MICU1: variants seen among roughly 807,000 people sequenced by gnomAD.
MICU1 encodes the protein calcium uptake protein 1, mitochondrial.
MICU1 carries 45 observed loss-of-function variants against 56.8 expected under a neutral mutation model. That is an observed-to-expected ratio of 0.79 (90% CI 0.62 to 1.02). The LOEUF (loss-of-function observed/expected upper bound fraction) is 1.02, where lower values mean the gene tolerates loss of function less well. Ranked by LOEUF, MICU1 falls within the 50% of genes least tolerant of loss-of-function variation. The pLI, the probability that MICU1 is intolerant of heterozygous loss-of-function variation, is 0.00. For missense variants in MICU1, 504 were observed against 587.1 expected, an observed-to-expected ratio of 0.86 and a Z score of 1.46; for synonymous variants, 186 against 195.1, an observed-to-expected ratio of 0.95 and a Z score of 0.39.
At chr10:72,384,333 A>G (rs1279187950) in intron 10 of MICU1, among the ~76,000 whole-genome samples, 2 of 152,186 alleles carry the variant, frequency 1.3e-5, no homozygotes, top group African/African-American at 2.4e-5. Context: ...TTCTCAAGGT[A>G]GTAAACCTTG....
chr10:72,528,116 G>A (rs999577779), intron 5 of MICU1, among the ~76,000 whole-genome samples: 1 of 152,114 alleles, frequency 6.6e-6, no homozygotes, highest in African/African-American at 2.4e-5. Flanking sequence ...CTGAGCCTCT[G>A]GGCCTAGCCC....
chr10:72,381,621 C>T (rs774859335), intron 10 of MICU1, among the ~76,000 whole-genome samples: 2 of 152,076 alleles, frequency 1.3e-5, no homozygotes, highest in Admixed American at 1.3e-4. Context: ...CCGCTGACCC[C>T]CTGTGTACTC....
chr10:72,374,244 C>T (rs1862441458), intron 11 of MICU1, among the ~76,000 whole-genome samples: 1 of 152,262 alleles, frequency 6.6e-6, no homozygotes, highest in Non-Finnish European at 1.5e-5. Context: ...CTTCAGCCTC[C>T]TGAGTAGCTG....
chr10:72,578,276 G>A (rs894331850), intron 1 of MICU1, among the ~76,000 whole-genome samples: 4 of 151,210 alleles, frequency 2.6e-5, no homozygotes, highest in Admixed American at 2.6e-4. Context: ...TTTTTTTTTT[G>A]AGATGGAGTC....
chr10:72,465,390 T>C (rs1865762811), intron 8 of MICU1, among the ~76,000 whole-genome samples: 1 of 150,540 alleles, frequency 6.6e-6, no homozygotes, highest in East Asian at 1.9e-4. Flanking sequence ...GAAACAAGTA[T>C]GGCTGTCATT....
chr10:72,580,631 C>T (rs552852882), intron 1 of MICU1, among the ~76,000 whole-genome samples: 1 of 152,282 alleles, frequency 6.6e-6, no homozygotes, highest in Admixed American at 6.5e-5. Flanking sequence ...CATGCGCCAC[C>T]ACACCTGGCT....
chr10:72,545,769 G>A (rs1351531227), intron 4 of MICU1, among the ~76,000 whole-genome samples: 1 of 152,226 alleles, frequency 6.6e-6, no homozygotes, highest in Non-Finnish European at 1.5e-5. Context: ...TCTACAGAAT[G>A]TAAATTTCCC....
intron 5 of MICU1, chr10:72,532,688 T>C (rs1839521344): frequency 4.3e-6 from 1 of 232,532 alleles, no homozygotes. Flanking sequence ...GCACTCTTCC[T>C]TTTTGATCAT....
At chr10:72,566,090 C>A (rs911617846) in intron 2 of MICU1, among the ~76,000 whole-genome samples, 5 of 123,880 alleles carry the variant, frequency 4.0e-5, no homozygotes, top group Non-Finnish European at 7.9e-5. Flanking sequence ...GTCACCCAGG[C>A]TGGAGTACAA....
intron 10 of MICU1, among the ~76,000 whole-genome samples, chr10:72,404,143 C>A (rs1564848386): frequency 6.6e-6 from 1 of 152,006 alleles, no homozygotes; most frequent in Non-Finnish European, 1.5e-5. Flanking sequence ...GTGCGTGCCA[C>A]CATGCCTGAC....
intron 1 of MICU1, among the ~76,000 whole-genome samples, chr10:72,593,850 C>T (rs1454707734): frequency 6.6e-6 from 1 of 152,038 alleles, no homozygotes; most frequent in African/African-American, 2.4e-5. Context: ...AACTACAAAA[C>T]ACTGTTGAAA....
chr10:72,407,756 G>T (rs544213653), intron 10 of MICU1, among the ~76,000 whole-genome samples, 173 bp downstream of exon 10: 176 of 152,284 alleles, frequency 1.2e-3, no homozygotes, highest in Non-Finnish European at 2.0e-3. Flanking sequence ...TATATTCACT[G>T]AACTTGGCAT....
chr10:72,601,200 T>C (rs1841523329), intron 1 of MICU1, among the ~76,000 whole-genome samples: 1 of 152,168 alleles, frequency 6.6e-6, no homozygotes, highest in African/African-American at 2.4e-5. Context: ...GTTGGGTACC[T>C]TGCTTGAGCC....
chr10:72,456,644 T>C (rs755821565), intron 8 of MICU1, among the ~76,000 whole-genome samples: 9 of 152,198 alleles, frequency 5.9e-5, no homozygotes, highest in Non-Finnish European at 8.8e-5. Flanking sequence ...AACTATGTGA[T>C]ATAATAAATG....
chr10:72,502,183 C>T (rs1448421579), intron 6 of MICU1, among the ~76,000 whole-genome samples: 4 of 134,736 alleles, frequency 3.0e-5, no homozygotes, highest in Admixed American at 2.4e-4. Flanking sequence ...TTGAGTCAGT[C>T]TCGCTCTGTC....
Position 72,560,729 on chromosome 10 carries a change from A to C in MICU1, c.330+2166T>G, listed in dbSNP as rs548170960. Reference sequence around the variant, plus strand: ...TACTGAAAATGCAAAAGTTAGCCAGACATGGTGGCAGGCATCTGTAATTCC... The same window carrying C: ...TACTGAAAATGCAAAAGTTAGCCAGCCATGGTGGCAGGCATCTGTAATTCC... On this transcript the variant is annotated intron_variant, in intron 3 of 11. Transcript: ENST00000361114. 3.1e-4 allele frequency among the ~76,000 whole-genome samples: 47 copies of C among 152,254 alleles called. 1 individual carries two copies. Among genetic ancestry groups the C allele is most frequent in the Admixed American group, 2.6e-3 (40 of 15,300 alleles).
intron 1 of MICU1, among the ~76,000 whole-genome samples, chr10:72,611,842 C>A (rs909820312): frequency 1.3e-5 from 2 of 151,954 alleles, no homozygotes; most frequent in Non-Finnish European, 2.9e-5. Flanking sequence ...ACAACGCTAT[C>A]TGGGCACTGT....
At chr10:72,413,827 A>G (rs564951205) in intron 9 of MICU1, among the ~76,000 whole-genome samples, 2 of 152,368 alleles carry the variant, frequency 1.3e-5, no homozygotes, top group African/African-American at 4.8e-5. Flanking sequence ...TTAAAAAAAG[A>G]TTTGAATAGA....
chr10:72,617,867 G>T (rs1655044923), intron 1 of MICU1, among the ~76,000 whole-genome samples: 1 of 152,020 alleles, frequency 6.6e-6, no homozygotes, highest in South Asian at 2.1e-4. Context: ...GCTAGAATCT[G>T]TTAAAATGTT....
Sources: gnomAD v4.1 joint callset for allele counts (sites outside exome capture counted in the v4.1 genomes callset) on GRCh38, gnomAD v4.1.1 for gene constraint, MANE v1.5 for transcripts, NCBI Gene and HGNC (gene_info 2026-07-23, HGNC 2026-07-21) for gene names.